Variants in MAMLD1 observed in about 807,000 individuals in gnomAD.
MAMLD1 encodes mastermind-like domain-containing protein 1.
Under a neutral mutation model 45.0 loss-of-function variants are expected in MAMLD1, and 14 were observed. That is an observed-to-expected ratio of 0.31 (90% CI 0.21 to 0.49). The LOEUF is 0.49. Ranked by LOEUF, MAMLD1 falls within the 20% of genes least tolerant of loss-of-function variation. MAMLD1 has a pLI of 0.99. For synonymous variants in MAMLD1, 254 were observed against 247.8 expected, an observed-to-expected ratio of 1.02 and a Z score of -0.24; for missense variants, 543 against 603.6, an observed-to-expected ratio of 0.90 and a Z score of 1.05.
intron 5 of MAMLD1, among the ~76,000 whole-genome samples, chrX:150,499,539 A>G (rs1231928021): frequency 9.0e-6 from 1 of 111,588 alleles, no homozygotes; most frequent in Non-Finnish European, 1.9e-5. Flanking sequence ...GAATAGCCAA[A>G]AGTGCAGAGT....
intron 1 of MAMLD1, among the ~76,000 whole-genome samples, chrX:150,398,299 G>C (rs988912104): frequency 1.8e-4 from 17 of 92,930 alleles, no homozygotes; most frequent in African/African-American, 6.2e-4. Context: ...AGAAGAAGAA[G>C]AAGAAGAAGA....
chrX:150,371,761 G>C (rs1557401065), intron 1 of MAMLD1, among the ~76,000 whole-genome samples: 3 of 111,740 alleles, frequency 2.7e-5, no homozygotes, highest in East Asian at 2.8e-4. Context: ...AGGAAGACAG[G>C]ACCCAGCTCT....
intron 1 of MAMLD1, among the ~76,000 whole-genome samples, chrX:150,441,152 T>G (rs1345036155): frequency 9.3e-6 from 1 of 107,961 alleles, no homozygotes; most frequent in East Asian, 2.8e-4. Context: ...GTTAGGGTAC[T>G]TGGGGTGTCC....
intron 1 of MAMLD1, among the ~76,000 whole-genome samples, chrX:150,420,827 A>G: frequency 8.9e-6 from 1 of 112,143 alleles, no homozygotes; most frequent in Non-Finnish European, 1.9e-5. Context: ...TGGGAGAACC[A>G]CTGCTCTCTT....
intron 1 of MAMLD1, among the ~76,000 whole-genome samples, chrX:150,404,000 AAAGGAAGG>A: frequency 1.5e-5 from 1 of 66,671 alleles, no homozygotes; most frequent in Non-Finnish European, 3.1e-5. Flanking sequence ...AAGAAAGAAG[AAAGGAAGG>A]AAGAAAGAAG....
At chrX:150,368,514 C>T (rs2031703296) in intron 1 of MAMLD1, among the ~76,000 whole-genome samples, 1 of 110,684 alleles carries the variant, frequency 9.0e-6, no homozygotes, top group African/African-American at 3.3e-5. Flanking sequence ...TGTAGGTTGC[C>T]CGTTCACTCT....
intron 1 of MAMLD1, among the ~76,000 whole-genome samples, chrX:150,429,186 C>A (rs1557403937): frequency 9.1e-6 from 1 of 109,974 alleles, no homozygotes; most frequent in Non-Finnish European, 1.9e-5. Context: ...TATATCATGC[C>A]ATTTTATCTT....
chrX:150,380,185 A>G, intron 1 of MAMLD1, among the ~76,000 whole-genome samples: 1 of 112,158 alleles, frequency 8.9e-6, no homozygotes, highest in Middle Eastern at 4.6e-3. Flanking sequence ...CCTCACCAAC[A>G]AAGTATTTGC....
intron 5 of MAMLD1, among the ~76,000 whole-genome samples, chrX:150,484,383 C>A (rs2036920285): frequency 1.8e-5 from 2 of 112,280 alleles, no homozygotes; most frequent in East Asian, 2.8e-4. Flanking sequence ...CACAAGGAGG[C>A]CCTTTCCCCA....
At chrX:150,464,997 C>T (rs894171458) in intron 3 of MAMLD1, among the ~76,000 whole-genome samples, 1 of 112,151 alleles carries the variant, frequency 8.9e-6, no homozygotes, top group Non-Finnish European at 1.9e-5. Flanking sequence ...ACCTTTTTGA[C>T]AATTTTGCCC....
chrX:150,449,137 G>A (rs1983035970), intron 2 of MAMLD1, among the ~76,000 whole-genome samples: 1 of 111,089 alleles, frequency 9.0e-6, no homozygotes, highest in African/African-American at 3.3e-5. Context: ...GGCAGGGTGG[G>A]GGGATTATTA....
intron 3 of MAMLD1, among the ~76,000 whole-genome samples, chrX:150,469,056 C>T (rs1221265595): frequency 9.1e-6 from 1 of 109,897 alleles, no homozygotes; most frequent in Non-Finnish European, 1.9e-5. Context: ...TGTTCTGAAA[C>T]TTGTGCTTTC....
chrX:150,458,812 A>C, intron 2 of MAMLD1, among the ~76,000 whole-genome samples: 1 of 111,779 alleles, frequency 8.9e-6, no homozygotes, highest in East Asian at 2.8e-4. Flanking sequence ...ACTGTTTTAA[A>C]ATCATAGAAA....
chrX:150,389,740 A>C (rs979371350), intron 1 of MAMLD1, among the ~76,000 whole-genome samples: 18 of 112,133 alleles, frequency 1.6e-4, no homozygotes, highest in African/African-American at 4.9e-4. Flanking sequence ...TGAAGTACCC[A>C]GCTATAATTG....
At chrX:150,464,060 A>T (rs1455545502) in intron 3 of MAMLD1, among the ~76,000 whole-genome samples, 1 of 112,272 alleles carries the variant, frequency 8.9e-6, no homozygotes, top group Non-Finnish European at 1.9e-5. Context: ...TAATGCTGTG[A>T]AGCACACATG....
At chrX:150,469,655 C>CTCTCTG (rs1159384506) in intron 3 of MAMLD1, 90 bp from the exon 4 acceptor site, 46 of 406,316 alleles carry the variant, frequency 1.1e-4, no homozygotes, top group South Asian at 1.1e-4. Context: ...CTCTCTCTCT[C>CTCTCTG]TGTGTGTGTG....
intron 1 of MAMLD1, among the ~76,000 whole-genome samples, chrX:150,395,799 A>G (rs2033388815): frequency 9.1e-6 from 1 of 110,313 alleles, no homozygotes; most frequent in South Asian, 3.8e-4. Flanking sequence ...CATTTATAAT[A>G]TTAATAGGTC....
intron 1 of MAMLD1, among the ~76,000 whole-genome samples, chrX:150,404,163 T>A (rs1324560154): frequency 1.8e-5 from 2 of 110,461 alleles, no homozygotes; most frequent in African/African-American, 3.3e-5. Flanking sequence ...ACAGGACATC[T>A]TACTTCTGAA....
At chrX:150,412,784 C>G (rs1272928838) in intron 1 of MAMLD1, among the ~76,000 whole-genome samples, 1 of 110,796 alleles carries the variant, frequency 9.0e-6, no homozygotes, top group Non-Finnish European at 1.9e-5. Context: ...GTGGCACACT[C>G]ACAGCTCAGT....
Sources: gnomAD v4.1 joint callset for allele counts (sites outside exome capture counted in the v4.1 genomes callset) on GRCh38, gnomAD v4.1.1 for gene constraint, MANE v1.5 for transcripts, NCBI Gene and HGNC (gene_info 2026-07-23, HGNC 2026-07-21) for gene names.